BRD7: variants seen among roughly 807,000 people sequenced by gnomAD.
BRD7 encodes the protein bromodomain-containing protein 7.
Under a neutral mutation model 82.1 loss-of-function variants are expected in BRD7, and 15 were observed. That is an observed-to-expected ratio of 0.18 (90% CI 0.12 to 0.28). The LOEUF (loss-of-function observed/expected upper bound fraction) is 0.28. BRD7 is among the 10% of genes least tolerant of loss of function. BRD7 has a pLI of 1.00. For synonymous variants in BRD7, 232 were observed against 266.9 expected (o/e 0.87, Z 1.27); for missense variants, 638 against 779.9 (o/e 0.82, Z 2.17).
At chr16:50,358,480 A>C (rs1191853147) in intron 2 of BRD7, among the ~76,000 whole-genome samples, 2 of 145,240 alleles carry the variant, frequency 1.4e-5, no homozygotes, top group East Asian at 4.0e-4. Context: ...TGGGCAACAG[A>C]GCCAGATCCT....
At chr16:50,330,748 C>T (rs1215454616) in intron 8 of BRD7, among the ~76,000 whole-genome samples, 1 of 152,012 alleles carries the variant, frequency 6.6e-6, no homozygotes, top group African/African-American at 2.4e-5. Context: ...AACAGAATTT[C>T]GCTCAAATGC....
At chr16:50,342,796 T>C (rs2038123418) in intron 5 of BRD7, among the ~76,000 whole-genome samples, 1 of 152,092 alleles carries the variant, frequency 6.6e-6, no homozygotes, top group South Asian at 2.1e-4. Context: ...CCCTTATAGG[T>C]CAGGTGAGCA....
chr16:50,368,812 C>T lies in BRD7; in HGVS notation c.-38G>A. On this transcript the variant is annotated 5_prime_UTR_variant, in exon 1 of 17. Coordinates refer to ENST00000394688, the MANE Select transcript of BRD7 (RefSeq NM_013263.5). ...CCCGGTGCCCGCCCCCCGCGCCAGGCCCAGGCCGTGCGGCGCCGCTTCCGG... is the reference window on the plus strand; with the variant it reads ...CCCGGTGCCCGCCCCCCGCGCCAGGTCCAGGCCGTGCGGCGCCGCTTCCGG... The T allele has an allele frequency of 6.8e-7, 1 of 1,467,134 alleles. No individual in the cohort carries two copies. 90.9% of individuals were successfully genotyped at this position (1,467,134 alleles called of 1,614,324 possible). A position where few individuals can be genotyped will look rare whatever the true frequency, so the allele number is the denominator to read the frequency against.
rs762758849 is a variant in BRD7, at chr16:50,346,439, TA to T, written c.591+3583del. ...AAGATCAGAGCAGAACTGAAGGAGA[TA>T]GAGATACAAAAAACCCTTCAAAAAA... On this transcript the variant is annotated intron_variant, in intron 5 of 16. Coordinates refer to ENST00000394688, the MANE Select transcript of BRD7 (RefSeq NM_013263.5). 1.1e-4 allele frequency among the ~76,000 whole-genome samples: 17 copies of T among 151,912 alleles called. No homozygotes were observed. In the East Asian group the frequency reaches 3.1e-3, roughly 28 times the overall value.
chr16:50,342,149 A>C (rs1400605051), intron 5 of BRD7, among the ~76,000 whole-genome samples: 2 of 152,196 alleles, frequency 1.3e-5, no homozygotes, highest in Admixed American at 6.5e-5. Flanking sequence ...TTACTGTAAG[A>C]GAAAGATCAG....
In BRD7 at chr16:50,343,577, G is replaced by A. The variant is rs927928491; in HGVS notation, c.592-3491C>T. ...TAGCCAAGGGAAGCTGTGACAGACT[G>A]TACCTGGAAAATCAGGACACTCCCA... On this transcript the variant is annotated intron_variant, in intron 5 of 16. Coordinates refer to ENST00000394688, the MANE Select transcript of BRD7 (RefSeq NM_013263.5). Among the ~76,000 whole-genome samples the A allele has an allele frequency of 5.9e-5, 9 of 152,308 alleles. No individual in the cohort carries two copies. In the East Asian group the frequency reaches 1.7e-3, roughly 29 times the overall value.
rs1250467663 is a variant in BRD7 at position 50,350,473 on chromosome 16, A to G, written c.447-306T>C. On this transcript the variant is annotated intron_variant, in intron 4 of 16. Coordinates refer to ENST00000394688, the MANE Select transcript of BRD7 (RefSeq NM_013263.5). Reference sequence around the variant, plus strand: ...AATAAACAACCTCAACTAACTGACCAATGTTTTAACCTTTGGGAGATTAGC... The same window carrying G: ...AATAAACAACCTCAACTAACTGACCGATGTTTTAACCTTTGGGAGATTAGC... Among the ~76,000 whole-genome samples the G allele has an allele frequency of 2.0e-5, 3 of 152,196 alleles. No individual in the cohort carries two copies. In the East Asian group the frequency reaches 5.8e-4, roughly 29 times the overall value.
chr16:50,368,836 G>A lies in BRD7; in HGVS notation c.-62C>T, dbSNP rs1402878525. 22 of 1,295,374 alleles carry A rather than the reference G, an allele frequency of 1.7e-5. No homozygotes were observed. The highest frequency in any genetic ancestry group is 3.1e-4 in the Middle Eastern group (1 of 3,254). 80.2% of individuals were successfully genotyped at this position (1,295,374 alleles called of 1,614,324 possible). A position where few individuals can be genotyped will look rare whatever the true frequency, so the allele number is the denominator to read the frequency against. Reference sequence around the variant, plus strand: ...GCCCAGGCCGTGCGGCGCCGCTTCCGGTCCGGGCCAGGCGAGCGGAGGGCG... The same window carrying A: ...GCCCAGGCCGTGCGGCGCCGCTTCCAGTCCGGGCCAGGCGAGCGGAGGGCG... On this transcript the variant is annotated 5_prime_UTR_variant, in exon 1 of 17. Transcript: ENST00000394688.
intron 6 of BRD7, 72 bp from the exon 7 acceptor site, chr16:50,334,967 CAGG>C (rs1430743314): frequency 1.5e-6 from 2 of 1,308,166 alleles, no homozygotes; most frequent in East Asian, 2.4e-5. Context: ...TTTTTCCCCA[CAGG>C]AGTTTATACT....
intron 6 of BRD7, 117 bp from the exon 7 acceptor site, chr16:50,335,012 TTAAATG>T (rs1330710855): frequency 7.0e-6 from 7 of 996,348 alleles, no homozygotes; most frequent in Non-Finnish European, 1.0e-5. Flanking sequence ...AGAAAAACAA[TTAAATG>T]TAATCATATA....
intron 9 of BRD7, among the ~76,000 whole-genome samples, chr16:50,327,466 T>C (rs11644043): frequency 0.24 from 36,797 of 152,136 alleles, 4,767 homozygotes; most frequent in African/African-American, 0.31. Flanking sequence ...TATGATCATA[T>C]AAAATTCTAC....
intron 5 of BRD7, among the ~76,000 whole-genome samples, chr16:50,343,119 T>G (rs146333295): frequency 1.3e-5 from 2 of 152,356 alleles, no homozygotes; most frequent in East Asian, 3.9e-4. Context: ...AAACTTCTCT[T>G]TAGTATTTCT....
chr16:50,331,030 A>G (rs1230099384), intron 8 of BRD7, among the ~76,000 whole-genome samples: 2 of 152,184 alleles, frequency 1.3e-5, no homozygotes, highest in East Asian at 1.9e-4. Flanking sequence ...TCTATAAACC[A>G]ATAATGTTCA....
At chr16:50,367,822 G>T (rs111729498) in intron 2 of BRD7, among the ~76,000 whole-genome samples, 22 of 152,054 alleles carry the variant, frequency 1.4e-4, no homozygotes, top group Non-Finnish European at 2.9e-4. Flanking sequence ...TGCCTAGATG[G>T]AAAAACCATT....
chr16:50,367,271 G>C (rs988337076), intron 2 of BRD7, among the ~76,000 whole-genome samples: 1 of 152,176 alleles, frequency 6.6e-6, no homozygotes, highest in African/African-American at 2.4e-5. Flanking sequence ...TGCCCAGGCT[G>C]GAGTGCAGTG....
intron 5 of BRD7, among the ~76,000 whole-genome samples, chr16:50,348,436 C>T (rs2038377640): frequency 6.6e-6 from 1 of 152,176 alleles, no homozygotes; most frequent in African/African-American, 2.4e-5. Flanking sequence ...TAAAGAGCTT[C>T]TGCACAGCAA....
intron 4 of BRD7, among the ~76,000 whole-genome samples, chr16:50,353,071 CT>C (rs148217111): frequency 0.57 from 82,170 of 144,676 alleles, 23,134 homozygotes; most frequent in East Asian, 0.69. Flanking sequence ...TCAGTAAGTT[CT>C]TTTTTTTTTT....
chr16:50,322,052 G>C lies in BRD7; in HGVS notation c.1444-14C>G. 6.3e-7 allele frequency: 1 copy of C among 1,583,052 alleles called. No homozygotes were observed. The highest frequency in any genetic ancestry group is 8.5e-7 in the Non-Finnish European group (1 of 1,171,332). On this transcript the variant is annotated splice_polypyrimidine_tract_variant and intron_variant, in intron 12 of 16. Transcript: ENST00000394688. ...TTCAGGCAATGACTATAAGGATGAA[G>C]AAAAACAGCTTTTTAGGAAAACACA...
At chr16:50,332,396 T>C (rs938683914) in intron 8 of BRD7, among the ~76,000 whole-genome samples, 1 of 151,830 alleles carries the variant, frequency 6.6e-6, no homozygotes, top group Non-Finnish European at 1.5e-5. Context: ...CCAACAAACA[T>C]ATGAGAAAAT....
Sources: allele counts gnomAD v4.1 joint callset (sites outside exome capture counted in the v4.1 genomes callset), GRCh38; gene constraint gnomAD v4.1.1; transcripts MANE v1.5; gene names NCBI Gene and HGNC (gene_info 2026-07-23, HGNC 2026-07-21).